Variants in SNAPC4 observed in about 807,000 individuals in gnomAD.
SNAPC4 encodes the protein small nuclear RNA activating complex polypeptide 4.
A neutral mutation model predicts 151.3 loss-of-function variants in SNAPC4; 127 were observed. The observed-to-expected ratio is 0.84, with a 90% CI of 0.73 to 0.97. The LOEUF is 0.97. Among genes scored for constraint, SNAPC4 ranks in the 50% least tolerant of loss-of-function variants. SNAPC4 has a pLI of 0.00. For missense variants in SNAPC4, 2,186 were observed against 1,935.0 expected, an observed-to-expected ratio of 1.13 and a Z score of -2.43; for synonymous variants, 1,002 against 824.4, an observed-to-expected ratio of 1.22 and a Z score of -3.69.
chr9:136,391,832 C>T lies in SNAPC4; in HGVS notation c.975+110G>A, dbSNP rs1170158711. 9.1e-6 allele frequency: 11 copies of T among 1,204,174 alleles called. No homozygotes were observed. In the African/African-American group the frequency reaches 1.2e-4, roughly 13 times the overall value. The allele number at this position is 1,204,174 out of a possible 1,614,324, so 74.6% of individuals were successfully genotyped here. ...GCCTGGAGGTGGCAACACATAGAAA[C>T]CTGGCGGTGAGTGAGCACTGGGGAC... is the stretch of plus-strand genomic sequence containing the variant. On this transcript the variant is annotated intron_variant, in intron 10 of 23. Coordinates refer to ENST00000684778, the MANE Select transcript of SNAPC4 (RefSeq NM_003086.4).
Position 136,381,354 on chromosome 9 carries a change from C to T in SNAPC4, c.2356G>A (p.Ala786Thr), listed in dbSNP as rs765433145. ...AACAGGGTAAACACAGGGGTGCTGG[C>T]CAGGCGGGCCTGCTGCAGCTGCTCC... is the stretch of plus-strand genomic sequence containing the variant. ...LREQLQQARLASTPVFTLFTQ... is the reference protein window; with the variant it reads ...LREQLQQARLTSTPVFTLFTQ... Residue 786 changes from alanine to threonine, a missense_variant, in exon 19 of 24, where the codon GCC (alanine) becomes ACC (threonine). Ala to Thr is a moderately conservative substitution (Grantham distance 58). Coordinates refer to ENST00000684778, the MANE Select transcript of SNAPC4 (RefSeq NM_003086.4). 11 of 1,612,830 alleles carry T rather than the reference C, an allele frequency of 6.8e-6. No homozygotes were observed. Among genetic ancestry groups the T allele is most frequent in the Non-Finnish European group, 9.3e-6 (11 of 1,179,860 alleles).
At chr9:136,379,772 T>A in intron 21 of SNAPC4, 65 bp downstream of exon 21, 1 of 1,488,356 alleles carries the variant, frequency 6.7e-7, no homozygotes, top group Non-Finnish European at 9.3e-7. Flanking sequence ...AGGGCCAGGT[T>A]AGGCCTCTTC....
rs1260691970 is a variant in SNAPC4, at chr9:136,378,342, T to C, written c.3485A>G (p.Gln1162Arg). ...ACTGCCATCCGCTTCTGCAGGACTT[T>C]GGGAGAGGGCGTGTGTGGGAGGAGC... ...TPAPPTHALSQSPAEADGSVA... is the reference protein window; with the variant it reads ...TPAPPTHALSRSPAEADGSVA... Residue 1162 changes from glutamine to arginine, a missense_variant, in exon 22 of 24, where the codon CAA becomes CGA. Coordinates refer to ENST00000684778, the MANE Select transcript of SNAPC4 (RefSeq NM_003086.4). 5.0e-6 allele frequency: 8 copies of C among 1,608,062 alleles called. 1 individual carries two copies. The South Asian group carries it at 8.9e-5, about 18-fold the overall frequency.
rs1436518702 is a variant in SNAPC4 at position 136,398,448 on chromosome 9, AAC to A, written c.-9-13_-9-12del. ...ATCCATGACTCCCGCCTGCCTCCAAAACACACCCCGAGATGTTAGAAACCAAG... is the reference window on the plus strand; with the variant it reads ...ATCCATGACTCCCGCCTGCCTCCAAAACACCCCGAGATGTTAGAAACCAAG... On this transcript the variant is annotated splice_polypyrimidine_tract_variant and intron_variant, in intron 1 of 23. Coordinates refer to ENST00000684778, the MANE Select transcript of SNAPC4 (RefSeq NM_003086.4). 2 of 1,608,006 alleles carry A rather than the reference AAC, an allele frequency of 1.2e-6. No individual in the cohort carries two copies. The highest frequency in any genetic ancestry group is 2.7e-5 in the African/African-American group (2 of 74,682).
Position 136,380,951 on chromosome 9 carries a change from G to A in SNAPC4, c.2389-101C>T, listed in dbSNP as rs548505618. Reference sequence around the variant, plus strand: ...CCTGGGGCAGCCCTGAGGCTGGGGCGGCTACCTTGAGACCTCAGCCTTCCT... The same window carrying A: ...CCTGGGGCAGCCCTGAGGCTGGGGCAGCTACCTTGAGACCTCAGCCTTCCT... On this transcript the variant is annotated intron_variant, in intron 19 of 23. Transcript: ENST00000684778. 262 of 696,502 alleles carry A rather than the reference G, an allele frequency of 3.8e-4. 2 individuals carry two copies. Among genetic ancestry groups the A allele is most frequent in the South Asian group, 1.4e-3 (83 of 58,160 alleles). 43.1% of individuals were successfully genotyped at this position (696,502 alleles called of 1,614,324 possible).
chr9:136,391,941 C>A lies in SNAPC4; in HGVS notation c.975+1G>T, dbSNP rs769996436. On this transcript the variant is annotated splice_donor_variant, in intron 10 of 23. Coordinates refer to ENST00000684778, the MANE Select transcript of SNAPC4 (RefSeq NM_003086.4). LOFTEE classifies it high-confidence loss of function. ...CCCTGGGGTCCAGGCCAGGCCCTTA[C>A]CCCCAGCTCCTCTGCAATCTTCTGC... 6.2e-7 allele frequency: 1 copy of A among 1,601,346 alleles called. No homozygotes were observed. The highest frequency in any genetic ancestry group is 1.7e-5 in the Admixed American group (1 of 60,000).
chr9:136,396,732 G>A (rs1834286762), intron 3 of SNAPC4, among the ~76,000 whole-genome samples: 1 of 152,256 alleles, frequency 6.6e-6, no homozygotes, highest in African/African-American at 2.4e-5. Context: ...CCACACAGGA[G>A]ACAGAGGCAT....
chr9:136,376,756 T>C (rs1833461281), intron 22 of SNAPC4, among the ~76,000 whole-genome samples: 1 of 152,164 alleles, frequency 6.6e-6, no homozygotes. Flanking sequence ...CAGGAGGCTG[T>C]ACATGGATGG....
At chr9:136,376,559 A>AG in intron 22 of SNAPC4, 78 bp from the exon 23 acceptor site, 2 of 1,560,150 alleles carry the variant, frequency 1.3e-6, no homozygotes, top group Non-Finnish European at 1.8e-6. Flanking sequence ...GGGAGTGAGG[A>AG]GGGGCCCTGT....
At chr9:136,379,349 G>C in intron 21 of SNAPC4, 50 bp from the exon 22 acceptor site, 2 of 1,606,510 alleles carry the variant, frequency 1.2e-6, no homozygotes, top group Non-Finnish European at 1.7e-6. Flanking sequence ...ATCTGGCCCA[G>C]GGACAGCCCC....
Position 136,382,215 on chromosome 9 carries a change from G to A in SNAPC4, c.2067+38C>T, listed in dbSNP as rs564846640. The stretch of plus-strand genomic sequence containing the variant: ...AATCACTCAGACCAGGGCGGGGCAC[G>A]TGGTGGCGTGCGCGTGGGTGTCTGC... On this transcript the variant is annotated intron_variant, in intron 17 of 23. Transcript: ENST00000684778. 31 of 1,606,072 alleles carry A rather than the reference G, an allele frequency of 1.9e-5. 1 individual carries two copies. Among genetic ancestry groups the A allele is most frequent in the African/African-American group, 1.2e-4 (9 of 74,912 alleles).
chr9:136,391,518 G>A (rs984992948), intron 10 of SNAPC4, among the ~76,000 whole-genome samples: 14 of 152,178 alleles, frequency 9.2e-5, no homozygotes, highest in African/African-American at 2.2e-4. Context: ...AACAAGCCTC[G>A]TTATCAAGAC....
rs73670241 is a variant in SNAPC4, at chr9:136,376,354, G to A, written c.*2C>T. ...CCTCCCCACTCAGGACTCACCTGCTGCTCACACCAGCCGCCTCCGCTTCCG... is the reference window on the plus strand; with the variant it reads ...CCTCCCCACTCAGGACTCACCTGCTACTCACACCAGCCGCCTCCGCTTCCG... On this transcript the variant is annotated 3_prime_UTR_variant, in exon 23 of 24. Transcript: ENST00000684778. 0.03 allele frequency: 48,480 copies of A among 1,612,934 alleles called. 1,084 individuals carry two copies. Among genetic ancestry groups the A allele is most frequent in the Middle Eastern group, 0.093 (564 of 6,048 alleles).
rs1834200601 is a variant in SNAPC4 at position 136,394,777 on chromosome 9, GCAGGGCCGGC to G, written c.550+13_550+22del. 1.9e-6 allele frequency: 3 copies of G among 1,609,228 alleles called. No individual in the cohort carries two copies. The highest frequency in any genetic ancestry group is 2.6e-6 in the Non-Finnish European group (3 of 1,176,434). The stretch of plus-strand genomic sequence containing the variant: ...GAGGTGTCCCAAGCTCAGGGGTGCC[GCAGGGCCGGC>G]CAGGGCTCTTACATTTGGTCACAAG... On this transcript the variant is annotated intron_variant, in intron 6 of 23. Transcript: ENST00000684778.
chr9:136,381,979 T>C lies in SNAPC4; in HGVS notation c.2162A>G (p.His721Arg). ...VARSHVQWLR[H>R]RATQSGQRRW... ...CCGCTGCCCACTCTGGGTGGCTCTG[T>C]GCCGTAGCCACTGCACATGGGATCG... The change falls in exon 18 of 24, where the codon CAC becomes CGC. Residue 721 changes from histidine (H) to arginine (R), a missense_variant. Coordinates refer to ENST00000684778, the MANE Select transcript of SNAPC4 (RefSeq NM_003086.4). 1 of 1,611,356 alleles carries C rather than the reference T, an allele frequency of 6.2e-7. No individual in the cohort carries two copies. The highest frequency in any genetic ancestry group is 8.5e-7 in the Non-Finnish European group (1 of 1,179,746).
rs150216385 is a variant in SNAPC4 at position 136,383,489 on chromosome 9, C to T, written c.1680G>A (p.Leu560=). ...AQAGEGDRAL[L]SPQYMVPDMD... is the part of the protein sequence containing the mutation. ...TGTCCGGGACCATGTACTGTGGGGA[C>T]AGCAGCGCTCTGTCACCCTCCCCGG... Residue 560 remains leucine (L), a synonymous_variant, in exon 16 of 24, where the codon CTG becomes CTA. Coordinates refer to ENST00000684778, the MANE Select transcript of SNAPC4 (RefSeq NM_003086.4). The surrounding 1 kb of genome is among the most constrained non-coding windows in gnomAD (Gnocchi z 4.2). 1 of 1,569,428 alleles carries T rather than the reference C, an allele frequency of 6.4e-7. No homozygotes were observed. The highest frequency in any genetic ancestry group is 8.6e-7 in the Non-Finnish European group (1 of 1,157,642).
In SNAPC4 at chr9:136,395,788, A is replaced by G. The variant is rs762822962; in HGVS notation, c.178-18T>C. 4.4e-6 allele frequency: 7 copies of G among 1,606,192 alleles called. No individual in the cohort carries two copies. In the South Asian group the frequency reaches 5.5e-5, roughly 13 times the overall value. ...TCTTCTTCCTGGTAACGAGCCAGAA[A>G]TGGCATGTGACGAGATGAGACGTGG... On this transcript the variant is annotated intron_variant, in intron 3 of 23. Coordinates refer to ENST00000684778, the MANE Select transcript of SNAPC4 (RefSeq NM_003086.4).
In SNAPC4 at chr9:136,378,390, G is replaced by C; in HGVS notation, c.3437C>G (p.Pro1146Arg). Reference protein sequence around the residue: ...PPANMNREPEPSCRTDTPAPP... With the variant: ...PPANMNREPERSCRTDTPAPP... ...AGCTGGGGTGTCTGTCCTGCAGGAAGGCTCCGGTTCCCTGTTCATATTGGC... is the reference window on the plus strand; with the variant it reads ...AGCTGGGGTGTCTGTCCTGCAGGAACGCTCCGGTTCCCTGTTCATATTGGC... Residue 1146 changes from proline to arginine, a missense_variant, in exon 22 of 24, where the codon CCT (proline) becomes CGT (arginine). Physicochemically the swap from Pro to Arg is moderately radical, Grantham distance 103 (BLOSUM62 -2). Coordinates refer to ENST00000684778, the MANE Select transcript of SNAPC4 (RefSeq NM_003086.4). The C allele has an allele frequency of 1.2e-6, 2 of 1,610,342 alleles. No homozygotes were observed. The highest frequency in any genetic ancestry group is 1.7e-6 in the Non-Finnish European group (2 of 1,179,446).
At chr9:136,376,292 T>C (rs2131457512) in intron 23 of SNAPC4, 57 bp downstream of exon 23, 1 of 1,589,716 alleles carries the variant, frequency 6.3e-7, no homozygotes, top group East Asian at 2.3e-5. Flanking sequence ...CCCTGCCATC[T>C]GGACACCACT....
Sources: gnomAD v4.1 joint callset for allele counts (sites outside exome capture counted in the v4.1 genomes callset) on GRCh38, gnomAD v4.1.1 for gene constraint, Gnocchi (gnomAD v3.1) non-coding constraint, MANE v1.5 for transcripts, NCBI Gene and HGNC (gene_info 2026-07-23, HGNC 2026-07-21) for gene names.